IGF1R: variants seen among roughly 807,000 people sequenced by gnomAD.
The protein encoded by IGF1R is insulin like growth factor 1 receptor.
A neutral mutation model predicts 144.6 loss-of-function variants in IGF1R; 44 were observed. That is an observed-to-expected ratio of 0.30 (90% CI 0.24 to 0.39). The LOEUF (loss-of-function observed/expected upper bound fraction) is 0.39. Among genes scored for constraint, IGF1R ranks in the 10% least tolerant of loss-of-function variants. IGF1R has a pLI of 1.00. For missense variants in IGF1R, 1,355 were observed against 1,833.7 expected, an observed-to-expected ratio of 0.74 and a Z score of 4.77; for synonymous variants, 795 against 722.8, an observed-to-expected ratio of 1.10 and a Z score of -1.60.
At position 98,741,250 on chromosome 15, in the gene IGF1R, T is replaced by G. The variant is rs924101887; in HGVS notation, c.640+33143T>G. ...TTTTCCTGAGCTTTTTTTTTTTTTT[T>G]TTTTTTTTTTTGGTAACAAGATACC... On this transcript the variant is annotated intron_variant, in intron 2 of 20. Transcript: ENST00000650285. 4.7e-5 allele frequency among the ~76,000 whole-genome samples: 7 copies of G among 150,088 alleles called. No homozygotes were observed. In the East Asian group the frequency reaches 9.7e-4, roughly 21 times the overall value.
chr15:98,754,677 C>G (rs945816671), intron 2 of IGF1R, among the ~76,000 whole-genome samples: 1 of 152,164 alleles, frequency 6.6e-6, no homozygotes, highest in African/African-American at 2.4e-5. Context: ...TTCTTTCTGT[C>G]TTTGTTTTTG....
chr15:98,924,070 C>T (rs1486500377), intron 12 of IGF1R, 58 bp downstream of exon 12: 1 of 1,501,678 alleles, frequency 6.7e-7, no homozygotes, highest in Non-Finnish European at 9.3e-7. Flanking sequence ...ACAGCATATG[C>T]TACCTGACTG....
At chr15:98,918,420 T>G (rs2015342987) in intron 10 of IGF1R, among the ~76,000 whole-genome samples, 1 of 152,170 alleles carries the variant, frequency 6.6e-6, no homozygotes, top group South Asian at 2.1e-4. Flanking sequence ...TTCTGCCAAG[T>G]GACCTTTTTG....
chr15:98,757,192 C>T (rs191425585), intron 2 of IGF1R, among the ~76,000 whole-genome samples: 1 of 151,694 alleles, frequency 6.6e-6, no homozygotes, highest in East Asian at 1.9e-4. Flanking sequence ...GACAGAGTTT[C>T]ACTCTGTCGC....
Position 98,934,934 on chromosome 15 carries a change from A to C in IGF1R, c.3067A>C (p.Lys1023Gln). 6.2e-7 allele frequency: 1 copy of C among 1,614,182 alleles called. No individual in the cohort carries two copies. The highest frequency in any genetic ancestry group is 8.5e-7 in the Non-Finnish European group (1 of 1,180,028). ...VYEGVAKGVV[K>Q]DEPETRVAIK... Reference sequence around the variant, plus strand: ...TGAAGGAGTTGCCAAGGGTGTGGTGAAAGATGAACCTGAAACCAGAGTGGC... The same window carrying C: ...TGAAGGAGTTGCCAAGGGTGTGGTGCAAGATGAACCTGAAACCAGAGTGGC... Residue 1023 changes from lysine to glutamine, a missense_variant, in exon 16 of 21, where the codon AAA (lysine) becomes CAA (glutamine). This residue lies in a region of IGF1R where 880 missense variants were observed against 1,202.7 expected (regional missense o/e 0.73). Transcript: ENST00000650285.
intron 2 of IGF1R, among the ~76,000 whole-genome samples, chr15:98,799,987 T>C (rs1016126380): frequency 5.3e-5 from 8 of 152,238 alleles, no homozygotes; most frequent in African/African-American, 1.7e-4. Context: ...TCTGTTCTTA[T>C]GTAATTCTTG....
At chr15:98,696,118 C>T (rs752111452) in intron 1 of IGF1R, among the ~76,000 whole-genome samples, 6 of 151,020 alleles carry the variant, frequency 4.0e-5, no homozygotes, top group Admixed American at 6.6e-5. Context: ...TTCACACCTC[C>T]TACATTTGTG....
intron 4 of IGF1R, among the ~76,000 whole-genome samples, chr15:98,897,921 GA>G (rs1214619763): frequency 7.4e-6 from 1 of 135,516 alleles, no homozygotes; most frequent in African/African-American, 2.6e-5. Context: ...CTTTTATGAA[GA>G]ATTTTTTTTT....
chr15:98,865,575 C>T (rs1204345190), intron 2 of IGF1R, among the ~76,000 whole-genome samples: 1 of 152,176 alleles, frequency 6.6e-6, no homozygotes, highest in Non-Finnish European at 1.5e-5. Flanking sequence ...GAGTGGGGCC[C>T]GGGCGTGGCT....
intron 2 of IGF1R, among the ~76,000 whole-genome samples, chr15:98,733,995 T>G (rs955096386): frequency 6.6e-6 from 1 of 152,184 alleles, no homozygotes; most frequent in Non-Finnish European, 1.5e-5. Flanking sequence ...GATTGATTAG[T>G]GTTCCGAGCC....
rs79814284 is a variant in IGF1R at position 98,795,412 on chromosome 15, T to G, written c.640+87305T>G. On this transcript the variant is annotated intron_variant, in intron 2 of 20. Transcript: ENST00000650285. ...TGTGTTTCTTTCTTGTTTTTTGTTT[T>G]GTTTTGTTTTGTTTTGTTTTGAGAT... is the stretch of plus-strand genomic sequence containing the variant. 7.9e-3 allele frequency among the ~76,000 whole-genome samples: 1,183 copies of G among 149,554 alleles called. 7 individuals are homozygous for G. The highest frequency in any genetic ancestry group is 0.027 in the African/African-American group (1,122 of 41,246).
intron 2 of IGF1R, among the ~76,000 whole-genome samples, chr15:98,832,790 T>C (rs544780929): frequency 1.4e-3 from 206 of 152,364 alleles, no homozygotes; most frequent in Non-Finnish European, 2.4e-3. Flanking sequence ...TACATAAAAA[T>C]TGATACAAGG....
At chr15:98,761,795 C>G (rs1339053239) in intron 2 of IGF1R, among the ~76,000 whole-genome samples, 1 of 152,226 alleles carries the variant, frequency 6.6e-6, no homozygotes, top group Non-Finnish European at 1.5e-5. Context: ...TCCCTAGGTC[C>G]TCCATGATGG....
At chr15:98,933,431 C>T (rs1350069086) in intron 15 of IGF1R, among the ~76,000 whole-genome samples, 1 of 152,052 alleles carries the variant, frequency 6.6e-6, no homozygotes, top group Non-Finnish European at 1.5e-5. Context: ...GTAGCCTCAA[C>T]CTCCTGGGCT....
In IGF1R at chr15:98,649,525, CT is replaced by C. The variant is rs544674838; in HGVS notation, c.-33del. ...TCATTTCCTTTTTTTCTTTTCTTTT[CT>C]TTTTTTTTTTTTTTTTTTTTTTTGA... On this transcript the variant is annotated 5_prime_UTR_variant, in exon 1 of 21. Transcript: ENST00000650285. The C allele has an allele frequency of 0.011, 7,930 of 719,168 alleles. 4 individuals carry two copies. Among genetic ancestry groups the C allele is most frequent in the East Asian group, 0.028 (872 of 30,712 alleles). 44.5% of individuals were successfully genotyped at this position (719,168 alleles called of 1,614,324 possible).
At chr15:98,828,936 G>T (rs187189222) in intron 2 of IGF1R, among the ~76,000 whole-genome samples, 1 of 151,986 alleles carries the variant, frequency 6.6e-6, no homozygotes, top group Admixed American at 6.6e-5. Flanking sequence ...TTGATGCTAC[G>T]TGAACTACTT....
At chr15:98,760,203 T>C (rs2055258245) in intron 2 of IGF1R, among the ~76,000 whole-genome samples, 1 of 151,150 alleles carries the variant, frequency 6.6e-6, no homozygotes, top group Non-Finnish European at 1.5e-5. Flanking sequence ...ATGCAAAAAC[T>C]AGCTGGGCAT....
intron 2 of IGF1R, chr15:98,880,800 GC>G (rs1199375465): frequency 6.6e-6 from 1 of 152,190 alleles, no homozygotes; most frequent in East Asian, 1.9e-4. Context: ...CTGCTCAATT[GC>G]AACAACTGAA....
chr15:98,845,341 C>G (rs572609367), intron 2 of IGF1R, among the ~76,000 whole-genome samples: 1 of 151,808 alleles, frequency 6.6e-6, no homozygotes, highest in East Asian at 1.9e-4. Flanking sequence ...CGGGCTGTGT[C>G]TCTCCCAACT....
Sources: gnomAD v4.1 joint callset for allele counts (sites outside exome capture counted in the v4.1 genomes callset) on GRCh38, gnomAD v4.1.1 for gene constraint, gnomAD v4.1.1 regional missense constraint, MANE v1.5 for transcripts, NCBI Gene and HGNC (gene_info 2026-07-23, HGNC 2026-07-21) for gene names.